Variants in POLE2 observed in about 807,000 individuals in gnomAD.
POLE2 encodes the protein DNA polymerase epsilon subunit 2.
Under a neutral mutation model 79.4 loss-of-function variants are expected in POLE2, and 56 were observed. The observed-to-expected ratio is 0.71, with a 90% CI of 0.57 to 0.88. POLE2 has a LOEUF of 0.88. Among genes scored for constraint, POLE2 ranks in the 40% least tolerant of loss-of-function variants. The pLI is 0.00. For missense variants in POLE2, 598 were observed against 638.9 expected (o/e 0.94, Z 0.69); for synonymous variants, 212 against 214.0 (o/e 0.99, Z 0.08).
intron 2 of POLE2, among the ~76,000 whole-genome samples, chr14:49,683,193 G>A (rs560787694): frequency 4.6e-4 from 70 of 152,132 alleles, no homozygotes; most frequent in Admixed American, 7.9e-4. Context: ...CGTGAGCCCA[G>A]GAGTTTGAGA....
chr14:49,653,867 G>A (rs894614705), intron 15 of POLE2, 123 bp downstream of exon 15: 5 of 605,004 alleles, frequency 8.3e-6, no homozygotes, highest in African/African-American at 3.8e-5. Context: ...AGCTGGTCTC[G>A]GAACTCCAAG....
chr14:49,671,662 G>A (rs1885908685), intron 5 of POLE2, among the ~76,000 whole-genome samples: 1 of 141,332 alleles, frequency 7.1e-6, no homozygotes, highest in Admixed American at 7.3e-5. Flanking sequence ...GGTTCAAGCA[G>A]AAAGAGATTC....
chr14:49,647,843 C>T (rs1318596365), intron 17 of POLE2, among the ~76,000 whole-genome samples: 1 of 152,174 alleles, frequency 6.6e-6, no homozygotes, highest in Non-Finnish European at 1.5e-5. Context: ...TATAAAGTAA[C>T]ACAACAGATT....
chr14:49,648,020 ATG>A (rs1366070383), intron 17 of POLE2, among the ~76,000 whole-genome samples: 1 of 152,230 alleles, frequency 6.6e-6, no homozygotes, highest in Admixed American at 6.5e-5. Context: ...CCAAATATGC[ATG>A]TGAGACAATC....
intron 9 of POLE2, 62 bp from the exon 10 acceptor site, chr14:49,663,449 T>C (rs985508250): frequency 8.7e-7 from 1 of 1,155,656 alleles, no homozygotes; most frequent in African/African-American, 1.5e-5. Context: ...GACAAAATTA[T>C]GTTACAACAA....
chr14:49,685,991 G>C (rs1182736862), intron 1 of POLE2, among the ~76,000 whole-genome samples: 1 of 152,036 alleles, frequency 6.6e-6, no homozygotes, highest in Non-Finnish European at 1.5e-5. Context: ...CTTGACTCTA[G>C]GGCAGTTTAT....
At chr14:49,676,818 G>A (rs555691415) in intron 3 of POLE2, among the ~76,000 whole-genome samples, 105 of 152,314 alleles carry the variant, frequency 6.9e-4, no homozygotes, top group African/African-American at 2.3e-3. Flanking sequence ...GAGGCTTTAA[G>A]GCACCTGACC....
intron 6 of POLE2, among the ~76,000 whole-genome samples, chr14:49,668,296 G>A (rs1014967621): frequency 3.3e-5 from 5 of 151,538 alleles, no homozygotes; most frequent in Non-Finnish European, 5.9e-5. Flanking sequence ...AGGGAAGGAG[G>A]AAGGGGGAAG....
intron 8 of POLE2, among the ~76,000 whole-genome samples, 187 bp downstream of exon 8, chr14:49,664,920 A>T (rs1885369486): frequency 6.6e-6 from 1 of 152,214 alleles, no homozygotes; most frequent in South Asian, 2.1e-4. Flanking sequence ...ATTCATCTAG[A>T]TTCTCCAAAT....
At chr14:49,672,945 C>G (rs939724711) in intron 5 of POLE2, among the ~76,000 whole-genome samples, 3 of 152,186 alleles carry the variant, frequency 2.0e-5, no homozygotes, top group Non-Finnish European at 2.9e-5. Context: ...TTGATACTCT[C>G]CTGGCAATCT....
chr14:49,646,304 T>G (rs1230112968), intron 18 of POLE2, among the ~76,000 whole-genome samples: 1 of 43,268 alleles, frequency 2.3e-5, no homozygotes, highest in East Asian at 3.2e-4. Flanking sequence ...TTTTGTTGGT[T>G]TTTTTTTTTT....
chr14:49,688,030 C>T, intron 1 of POLE2, 106 bp downstream of exon 1: 1 of 914,972 alleles, frequency 1.1e-6, no homozygotes, highest in Non-Finnish European at 1.7e-6. Context: ...AAGGTCAAGC[C>T]CCCTCTCGGC....
chr14:49,677,799 T>C (rs1886393905), intron 3 of POLE2: 1 of 676,442 alleles, frequency 1.5e-6, no homozygotes, highest in East Asian at 3.5e-5. Flanking sequence ...ATGATGACTG[T>C]GGACCTGCAG....
At chr14:49,661,212 T>C (rs1249232432) in intron 10 of POLE2, among the ~76,000 whole-genome samples, 1 of 142,208 alleles carries the variant, frequency 7.0e-6, no homozygotes, top group African/African-American at 2.6e-5. Flanking sequence ...ACTCTTCAAA[T>C]GCAAAAAAAA....
At chr14:49,668,081 G>A (rs1409508074) in intron 6 of POLE2, among the ~76,000 whole-genome samples, 1 of 152,102 alleles carries the variant, frequency 6.6e-6, no homozygotes, top group Admixed American at 6.5e-5. Flanking sequence ...AGACCAGCCT[G>A]GCCAACATGG....
At chr14:49,677,973 ATTCT>A (rs1886407254) in intron 3 of POLE2, 1 of 251,870 alleles carries the variant, frequency 4.0e-6, no homozygotes, top group Non-Finnish European at 7.4e-6. Flanking sequence ...ATCTCTACCC[ATTCT>A]TTCTTTATTT....
intron 11 of POLE2, 60 bp from the exon 12 acceptor site, chr14:49,655,154 C>A: frequency 3.0e-6 from 2 of 660,856 alleles, no homozygotes; most frequent in South Asian, 3.8e-5. Context: ...AGTTAAAAAC[C>A]CTTTAACCAT....
rs141638806 is a variant in POLE2, at chr14:49,674,336, G to C, written c.323+14C>G. ...ATTTGAAATTAATTTAAAATCAGTG[G>C]ATGACATACTTACGGAAGAAATTTT... On this transcript the variant is annotated intron_variant, in intron 4 of 18. Coordinates refer to ENST00000216367, the MANE Select transcript of POLE2 (RefSeq NM_002692.4). 4 of 1,555,384 alleles carry C rather than the reference G, an allele frequency of 2.6e-6. No individual in the cohort carries two copies. The East Asian group carries it at 9.0e-5, about 35-fold the overall frequency.
At position 49,665,137 on chromosome 14, in the gene POLE2, A is replaced by T; in HGVS notation, c.603T>A (p.Thr201=). The T allele has an allele frequency of 7.1e-7, 1 of 1,416,642 alleles. No homozygotes were observed. The highest frequency in any genetic ancestry group is 1.0e-6 in the Non-Finnish European group (1 of 1,004,640). 87.8% of individuals were successfully genotyped at this position (1,416,642 alleles called of 1,614,324 possible). The change falls in exon 8 of 19, where the codon ACT becomes ACA. Residue 201 remains threonine (T), a synonymous_variant. Transcript: ENST00000216367. ...TACTAAGGTCTAGTTGGACTGTTCC[A>T]GTAGGATCTTCCAGAAAAAATTTTC... ...KEGKFFLEDP[T]GTVQLDLSKA...
Sources: allele counts gnomAD v4.1 joint callset (sites outside exome capture counted in the v4.1 genomes callset), GRCh38; gene constraint gnomAD v4.1.1; transcripts MANE v1.5; gene names NCBI Gene and HGNC (gene_info 2026-07-23, HGNC 2026-07-21).